Variants in UNC5D observed in about 807,000 individuals in gnomAD.
UNC5D encodes unc-5 netrin receptor D.
A neutral mutation model predicts 105.4 loss-of-function variants in UNC5D; 39 were observed. The observed-to-expected ratio is 0.37, with a 90% CI of 0.29 to 0.48. UNC5D has a LOEUF of 0.48. UNC5D is among the 20% of genes least tolerant of loss of function. UNC5D has a pLI of 0.98. For missense variants in UNC5D, 991 were observed against 1,202.4 expected (o/e 0.82, Z 2.60); for synonymous variants, 452 against 450.4 (o/e 1.00, Z -0.04).
chr8:35,643,628 C>A (rs1352671846), intron 4 of UNC5D, among the ~76,000 whole-genome samples: 1 of 152,158 alleles, frequency 6.6e-6, no homozygotes, highest in East Asian at 1.9e-4. Context: ...GATCCACCCA[C>A]CTGGGCCTCC....
chr8:35,264,954 A>G (rs1283186824), intron 1 of UNC5D, among the ~76,000 whole-genome samples: 1 of 152,158 alleles, frequency 6.6e-6, no homozygotes, highest in Non-Finnish European at 1.5e-5. Context: ...GATGGTTCAT[A>G]AATATTCCTG....
At chr8:35,734,661 C>A (rs939250775) in intron 11 of UNC5D, among the ~76,000 whole-genome samples, 2 of 152,156 alleles carry the variant, frequency 1.3e-5, no homozygotes, top group African/African-American at 4.8e-5. Flanking sequence ...ACGCCCACCT[C>A]GGCATCCCCA....
At chr8:35,655,476 A>G (rs1823669226) in intron 4 of UNC5D, among the ~76,000 whole-genome samples, 2 of 152,226 alleles carry the variant, frequency 1.3e-5, no homozygotes, top group African/African-American at 2.4e-5. Context: ...CAGCTGCTCT[A>G]TTAGAATGAT....
chr8:35,596,700 C>T (rs1030040513), intron 4 of UNC5D, among the ~76,000 whole-genome samples: 3 of 152,086 alleles, frequency 2.0e-5, no homozygotes, highest in Non-Finnish European at 4.4e-5. Flanking sequence ...GGGATAACTC[C>T]CCTGGAAGCA....
At chr8:35,447,877 C>A (rs942260339) in intron 1 of UNC5D, among the ~76,000 whole-genome samples, 1 of 152,018 alleles carries the variant, frequency 6.6e-6, no homozygotes, top group Non-Finnish European at 1.5e-5. Flanking sequence ...CAGTCCAAAA[C>A]CAGTAACAGG....
At chr8:35,604,441 G>A (rs1162860233) in intron 4 of UNC5D, among the ~76,000 whole-genome samples, 2 of 152,250 alleles carry the variant, frequency 1.3e-5, no homozygotes, top group Admixed American at 1.3e-4. Flanking sequence ...TTCCCTTTGA[G>A]GGTAACCCGA....
intron 4 of UNC5D, among the ~76,000 whole-genome samples, chr8:35,657,856 A>C (rs1823871533): frequency 6.6e-6 from 1 of 152,198 alleles, no homozygotes; most frequent in South Asian, 2.1e-4. Flanking sequence ...AGAGAGGGGA[A>C]CTTTTAGGTG....
At chr8:35,495,135 T>C (rs1338924677) in intron 1 of UNC5D, among the ~76,000 whole-genome samples, 1 of 152,028 alleles carries the variant, frequency 6.6e-6, no homozygotes, top group Non-Finnish European at 1.5e-5. Context: ...TGCCAAGCAA[T>C]GGTTGGAAGT....
intron 16 of UNC5D, among the ~76,000 whole-genome samples, chr8:35,775,153 C>T (rs1194417186): frequency 3.3e-5 from 5 of 152,114 alleles, no homozygotes; most frequent in Admixed American, 2.0e-4. Context: ...CTCCCCTCTA[C>T]TATCGGGTAA....
intron 1 of UNC5D, among the ~76,000 whole-genome samples, chr8:35,474,668 G>A (rs1156554507): frequency 1.3e-5 from 2 of 152,168 alleles, no homozygotes; most frequent in African/African-American, 2.4e-5. Context: ...ACAGCCTGGC[G>A]GGATTGGGGA....
At chr8:35,782,618 C>T (rs1802555167) in intron 16 of UNC5D, among the ~76,000 whole-genome samples, 1 of 151,860 alleles carries the variant, frequency 6.6e-6, no homozygotes, top group South Asian at 2.1e-4. Context: ...ATTCTCCTGC[C>T]TCAGCCTCCC....
intron 11 of UNC5D, among the ~76,000 whole-genome samples, chr8:35,742,027 C>T (rs751573695): frequency 2.0e-5 from 3 of 152,118 alleles, no homozygotes; most frequent in Non-Finnish European, 4.4e-5. Context: ...CACTTTTGTC[C>T]TCCATTCTGC....
At chr8:35,696,105 A>G (rs1826753750) in intron 7 of UNC5D, among the ~76,000 whole-genome samples, 1 of 152,094 alleles carries the variant, frequency 6.6e-6, no homozygotes, top group Non-Finnish European at 1.5e-5. Flanking sequence ...ACGAAATCCA[A>G]CAACATATGC....
At chr8:35,680,880 A>T (rs909096937) in intron 4 of UNC5D, among the ~76,000 whole-genome samples, 1 of 152,220 alleles carries the variant, frequency 6.6e-6, no homozygotes, top group African/African-American at 2.4e-5. Flanking sequence ...AGCGGGGAAC[A>T]TAGGAGAAGT....
At chr8:35,481,597 A>G (rs966504031) in intron 1 of UNC5D, among the ~76,000 whole-genome samples, 8 of 152,176 alleles carry the variant, frequency 5.3e-5, no homozygotes, top group Non-Finnish European at 1.0e-4. Context: ...TCGCTGTTAC[A>G]TCTTTGTCAA....
chr8:35,625,985 A>G (rs962307072), intron 4 of UNC5D, among the ~76,000 whole-genome samples: 3 of 152,184 alleles, frequency 2.0e-5, no homozygotes, highest in African/African-American at 7.2e-5. Flanking sequence ...GCAATAAATA[A>G]GAGTTTAATT....
At chr8:35,608,501 G>C (rs1200146391) in intron 4 of UNC5D, among the ~76,000 whole-genome samples, 1 of 152,122 alleles carries the variant, frequency 6.6e-6, no homozygotes, top group Non-Finnish European at 1.5e-5. Context: ...CCTGAAGACA[G>C]GGCTTTCAGT....
chr8:35,580,654 AAGAAGTG>A (rs1358036731), intron 3 of UNC5D, among the ~76,000 whole-genome samples: 1 of 152,146 alleles, frequency 6.6e-6, no homozygotes, highest in East Asian at 1.9e-4. Context: ...CAATTGGAGT[AAGAAGTG>A]AGAAGTTTTG....
intron 4 of UNC5D, among the ~76,000 whole-genome samples, chr8:35,650,293 ATTC>A (rs1823326248): frequency 6.6e-6 from 1 of 151,854 alleles, no homozygotes; most frequent in Admixed American, 6.6e-5. Flanking sequence ...TCTTCCTCCT[ATTC>A]TTATTTCTTC....
Sources: gnomAD v4.1 joint callset for allele counts (sites outside exome capture counted in the v4.1 genomes callset) on GRCh38, gnomAD v4.1.1 for gene constraint, MANE v1.5 for transcripts, NCBI Gene and HGNC (gene_info 2026-07-23, HGNC 2026-07-21) for gene names.